COL14A1: variants seen among roughly 807,000 people sequenced by gnomAD.
The protein encoded by COL14A1 is collagen alpha-1(XIV) chain.
Under a neutral mutation model 230.3 loss-of-function variants are expected in COL14A1, and 136 were observed. That is an observed-to-expected ratio of 0.59 (90% CI 0.51 to 0.68). The LOEUF is 0.68. Among genes scored for constraint, COL14A1 ranks in the 30% least tolerant of loss-of-function variants. COL14A1 has a pLI of 0.00. For missense variants in COL14A1, 1,976 were observed against 2,215.8 expected (o/e 0.89, Z 2.17); for synonymous variants, 792 against 784.1 (o/e 1.01, Z -0.17).
chr8:120,170,834 G>C (rs1816072821), intron 5 of COL14A1, among the ~76,000 whole-genome samples: 1 of 151,282 alleles, frequency 6.6e-6, no homozygotes, highest in Admixed American at 6.6e-5. Flanking sequence ...ATTTTATTTA[G>C]TACTCACATA....
At chr8:120,225,522 T>A (rs1267310170) in intron 15 of COL14A1, among the ~76,000 whole-genome samples, 1 of 152,168 alleles carries the variant, frequency 6.6e-6, no homozygotes, top group Non-Finnish European at 1.5e-5. Flanking sequence ...AACTTCTACA[T>A]CCTTCTTCCA....
intron 22 of COL14A1, among the ~76,000 whole-genome samples, chr8:120,253,411 C>T (rs1046786016): frequency 1.3e-5 from 2 of 152,076 alleles, no homozygotes; most frequent in Admixed American, 6.5e-5. Flanking sequence ...TCTTCTCTCC[C>T]TTAATAAATA....
chr8:120,256,863 C>T (rs1819169654), intron 23 of COL14A1, among the ~76,000 whole-genome samples: 1 of 152,102 alleles, frequency 6.6e-6, no homozygotes, highest in South Asian at 2.1e-4. Context: ...ATGATTTATC[C>T]TTTTATATGA....
Position 120,206,989 on chromosome 8 carries a change from T to C in COL14A1, c.1086T>C (p.Ser362=), listed in dbSNP as rs960719939. The part of the protein sequence containing the change: ...ITGPPTELIT[S]EVTARSFMVN... Reference sequence around the variant, plus strand: ...GGCCGCCTACGGAGTTGATTACTTCTGAAGTCACTGCCAGAAGCTTTATGG... The same window carrying C: ...GGCCGCCTACGGAGTTGATTACTTCCGAAGTCACTGCCAGAAGCTTTATGG... Residue 362 remains serine, a synonymous_variant, in exon 10 of 48, where the codon TCT becomes TCC. Transcript: ENST00000297848. The C allele has an allele frequency of 1.2e-6, 2 of 1,613,804 alleles. No individual in the cohort carries two copies. The highest frequency in any genetic ancestry group is 1.7e-6 in the Non-Finnish European group (2 of 1,179,936).
intron 45 of COL14A1, among the ~76,000 whole-genome samples, chr8:120,361,321 A>G (rs1346595193): frequency 2.0e-5 from 3 of 152,196 alleles, no homozygotes; most frequent in Non-Finnish European, 2.9e-5. Flanking sequence ...GACCTTTGGC[A>G]ATCATTTGCA....
At chr8:120,175,343 G>A (rs1679617707) in intron 5 of COL14A1, among the ~76,000 whole-genome samples, 1 of 152,054 alleles carries the variant, frequency 6.6e-6, no homozygotes, top group South Asian at 2.1e-4. Flanking sequence ...GAACCTGATT[G>A]GAAATAATTA....
intron 18 of COL14A1, among the ~76,000 whole-genome samples, chr8:120,229,858 C>T (rs1328214245): frequency 1.3e-5 from 2 of 152,144 alleles, no homozygotes; most frequent in African/African-American, 2.4e-5. Flanking sequence ...TTCTGTTGCT[C>T]TCTGTTGAGA....
rs747212420 is a variant in COL14A1, at chr8:120,216,345, G to C, written c.1598-6G>C. ...TTAATTATTTTCTATTCCATTTACTGCCAAGTGGCTTTAAGTCCACCAAGA... is the reference window on the plus strand; with the variant it reads ...TTAATTATTTTCTATTCCATTTACTCCCAAGTGGCTTTAAGTCCACCAAGA... On this transcript the variant is annotated splice_polypyrimidine_tract_variant and splice_region_variant and intron_variant, in intron 13 of 47. Coordinates refer to ENST00000297848, the MANE Select transcript of COL14A1 (RefSeq NM_021110.4). 3.4e-5 allele frequency: 55 copies of C among 1,597,208 alleles called. No individual in the cohort carries two copies. Among genetic ancestry groups the C allele is most frequent in the Non-Finnish European group, 4.3e-5 (51 of 1,175,750 alleles).
rs372770496 is a variant in COL14A1, at chr8:120,342,466, G to A, written c.4888+20G>A. 4.1e-5 allele frequency: 66 copies of A among 1,609,518 alleles called. No homozygotes were observed. The South Asian group carries it at 5.4e-4, about 13-fold the overall frequency. On this transcript the variant is annotated intron_variant, in intron 44 of 47. Transcript: ENST00000297848. ...TCCAGAGTAAGTATGTAATGGTTACGGAGGATGTTCCCCATAACAAACTCT... is the reference window on the plus strand; with the variant it reads ...TCCAGAGTAAGTATGTAATGGTTACAGAGGATGTTCCCCATAACAAACTCT...
At chr8:120,158,851 A>G (rs759665212) in intron 3 of COL14A1, among the ~76,000 whole-genome samples, 7 of 152,064 alleles carry the variant, frequency 4.6e-5, no homozygotes, top group Non-Finnish European at 8.8e-5. Flanking sequence ...ATTTGGTTGA[A>G]TTTTTCTTTC....
At chr8:120,187,612 A>T (rs1023399071) in intron 5 of COL14A1, among the ~76,000 whole-genome samples, 1 of 152,234 alleles carries the variant, frequency 6.6e-6, no homozygotes, top group African/African-American at 2.4e-5. Flanking sequence ...GGAGTTTCTC[A>T]TGATGTCAGT....
intron 40 of COL14A1, among the ~76,000 whole-genome samples, chr8:120,327,348 A>G (rs1387346718): frequency 6.6e-6 from 1 of 152,110 alleles, no homozygotes; most frequent in Non-Finnish European, 1.5e-5. Flanking sequence ...CTCTTATGTG[A>G]GTCAACTCTG....
At position 120,209,854 on chromosome 8, in the gene COL14A1, A is replaced by G; in HGVS notation, c.1420A>G (p.Ile474Val). 6.2e-7 allele frequency: 1 copy of G among 1,613,798 alleles called. No homozygotes were observed. The highest frequency in any genetic ancestry group is 8.5e-7 in the Non-Finnish European group (1 of 1,179,840). Residue 474 changes from isoleucine to valine, a missense_variant, in exon 12 of 48, where the codon ATC becomes GTC. Ile to Val is a conservative substitution (Grantham distance 29). Transcript: ENST00000297848. ...AGTGCCTGGGGCCTCAGGTTACCTG[A>G]TCCTTTATGCTCCTCTAACAGAGGG... is the stretch of plus-strand genomic sequence containing the variant. ...DAVPGASGYL[I>V]LYAPLTEGLA...
Position 120,297,553 on chromosome 8 carries a change from G to A in COL14A1, c.4279G>A (p.Ala1427Thr), listed in dbSNP as rs1820565514. Reference sequence around the variant, plus strand: ...TGATATTGTTTGCTCCACATCATGGGCCAATACAGACAAATGCTGTGAACT... The same window carrying A: ...TGATATTGTTTGCTCCACATCATGGACCAATACAGACAAATGCTGTGAACT... ...MFDIVCSTSWANTDKCCELPG... is the reference protein window; with the variant it reads ...MFDIVCSTSWTNTDKCCELPG... The change falls in exon 35 of 48, where the codon GCC (alanine) becomes ACC (threonine). Residue 1427 changes from alanine to threonine, a missense_variant. Ala to Thr is a moderately conservative substitution (Grantham distance 58). Transcript: ENST00000297848. The A allele has an allele frequency of 6.9e-7, 1 of 1,448,316 alleles. No homozygotes were observed. The allele number at this position is 1,448,316 out of a possible 1,614,324, so 89.7% of individuals were successfully genotyped here. A position where few individuals can be genotyped will look rare whatever the true frequency, so the allele number is the denominator to read the frequency against.
chr8:120,192,469 G>T lies in COL14A1; in HGVS notation c.437-4322G>T, dbSNP rs535650303. Among the ~76,000 whole-genome samples the T allele has an allele frequency of 6.7e-3, 1,026 of 152,214 alleles. 9 individuals carry two copies. The highest frequency in any genetic ancestry group is 0.02 in the Middle Eastern group (6 of 294). The stretch of plus-strand genomic sequence containing the variant: ...GGTAACCCGACCTTTCTCTCTGGCT[G>T]CCCTTAACATTTTTTCCTTCATTTC... On this transcript the variant is annotated intron_variant, in intron 5 of 47. Transcript: ENST00000297848.
At chr8:120,185,778 C>G (rs1816632598) in intron 5 of COL14A1, among the ~76,000 whole-genome samples, 1 of 151,964 alleles carries the variant, frequency 6.6e-6, no homozygotes, top group Non-Finnish European at 1.5e-5. Flanking sequence ...TCTTTTTTCT[C>G]TTTTTTATTT....
In COL14A1 at chr8:120,309,021, G is replaced by A. The variant is rs541465963; in HGVS notation, c.4402-988G>A. 1.7e-4 allele frequency among the ~76,000 whole-genome samples: 26 copies of A among 152,198 alleles called. No individual in the cohort carries two copies. In the South Asian group the frequency reaches 4.2e-3, roughly 24 times the overall value. On this transcript the variant is annotated intron_variant, in intron 36 of 47. Coordinates refer to ENST00000297848, the MANE Select transcript of COL14A1 (RefSeq NM_021110.4). ...GTGATCTCAGCTCACTGCAAGGTCCGCCTCCCAGGTTCACGCCATTCTCCT... is the reference window on the plus strand; with the variant it reads ...GTGATCTCAGCTCACTGCAAGGTCCACCTCCCAGGTTCACGCCATTCTCCT...
chr8:120,304,582 G>T (rs1408341907), intron 36 of COL14A1, among the ~76,000 whole-genome samples: 7 of 152,178 alleles, frequency 4.6e-5, no homozygotes, highest in Non-Finnish European at 1.0e-4. Context: ...CATTGTGAAT[G>T]AAACCATTTA....
intron 2 of COL14A1, among the ~76,000 whole-genome samples, chr8:120,153,752 A>G (rs1815369932): frequency 6.6e-6 from 1 of 152,250 alleles, no homozygotes. Context: ...GCAGTAGCTC[A>G]TATAATCAAA....
Sources: allele counts gnomAD v4.1 joint callset (sites outside exome capture counted in the v4.1 genomes callset), GRCh38; gene constraint gnomAD v4.1.1; transcripts MANE v1.5; gene names NCBI Gene and HGNC (gene_info 2026-07-23, HGNC 2026-07-21).